SH3RF3: variants seen among roughly 807,000 people sequenced by gnomAD.
SH3RF3 encodes SH3 domain containing ring finger 3.
Under a neutral mutation model 66.3 loss-of-function variants are expected in SH3RF3, and 29 were observed. The ratio of observed to expected loss-of-function variants is 0.44; its 90% CI spans 0.33 to 0.60. The LOEUF is 0.60. Among genes scored for constraint, SH3RF3 ranks in the 20% least tolerant of loss-of-function variants. The pLI is 0.04. For synonymous variants in SH3RF3, 583 were observed against 532.0 expected, an observed-to-expected ratio of 1.10 and a Z score of -1.32; for missense variants, 1,194 against 1,190.9, an observed-to-expected ratio of 1.00 and a Z score of -0.04.
chr2:109,443,798 G>A (rs978106066), intron 7 of SH3RF3, among the ~76,000 whole-genome samples: 2 of 152,172 alleles, frequency 1.3e-5, no homozygotes, highest in African/African-American at 4.8e-5. Flanking sequence ...TACAATTATG[G>A]TCAGAGACTT....
At chr2:109,459,528 G>A (rs576217425) in intron 8 of SH3RF3, among the ~76,000 whole-genome samples, 2 of 152,140 alleles carry the variant, frequency 1.3e-5, no homozygotes, top group African/African-American at 4.8e-5. Flanking sequence ...GATTGAGAGC[G>A]TGCTAGGAGA....
In SH3RF3 at chr2:109,259,221, G is replaced by A. The variant is rs560514152; in HGVS notation, c.574-88453G>A. The stretch of plus-strand genomic sequence containing the variant: ...TAGGCTTCTCTGGCCTTCATGGGTC[G>A]GATTAAAGGGTGTCCTGGCCCTGAG... On this transcript the variant is annotated intron_variant, in intron 1 of 9. Coordinates refer to ENST00000309415, the MANE Select transcript of SH3RF3 (RefSeq NM_001099289.3). Among the ~76,000 whole-genome samples the A allele has an allele frequency of 1.1e-4, 16 of 152,314 alleles. No individual in the cohort carries two copies. In the East Asian group the frequency reaches 2.5e-3, roughly 24 times the overall value.
intron 2 of SH3RF3, among the ~76,000 whole-genome samples, chr2:109,355,976 G>C (rs1027793438): frequency 6.6e-6 from 1 of 152,096 alleles, no homozygotes; most frequent in Admixed American, 6.6e-5. Flanking sequence ...TCCTGCATTG[G>C]GGGTGGAGAA....
Position 109,171,506 on chromosome 2 carries a change from C to T in SH3RF3, c.573+41393C>T, listed in dbSNP as rs530197415. ...CCCGACCCCTCACTGCTGCTGGGCT[C>T]GCGGGTATGGTCAGCGCTGTGGCTT... On this transcript the variant is annotated intron_variant, in intron 1 of 9. Transcript: ENST00000309415. Among the ~76,000 whole-genome samples, 26 of 152,360 alleles carry T rather than the reference C, an allele frequency of 1.7e-4. No homozygotes were observed. In the East Asian group the frequency reaches 4.8e-3, roughly 28 times the overall value.
chr2:109,407,840 C>CT (rs1676487297), intron 4 of SH3RF3, among the ~76,000 whole-genome samples: 1 of 152,202 alleles, frequency 6.6e-6, no homozygotes, highest in Non-Finnish European at 1.5e-5. Flanking sequence ...CAATCCTGGC[C>CT]TTTAAGTGGG....
intron 8 of SH3RF3, among the ~76,000 whole-genome samples, chr2:109,454,842 T>C (rs781539192): frequency 1.2e-4 from 19 of 152,028 alleles, no homozygotes; most frequent in East Asian, 3.8e-4. Context: ...CTGGTGATGA[T>C]TGTAGACTAA....
rs1179579246 is a variant in SH3RF3, at chr2:109,384,321, G to GT, written c.945+12641dup. ...GGGGATTCTACTCTCCGTGGAGAAA[G>GT]TAACACCAGGAGAGGAGGAAGGACC... On this transcript the variant is annotated intron_variant, in intron 3 of 9. Transcript: ENST00000309415. Among the ~76,000 whole-genome samples the GT allele has an allele frequency of 5.3e-5, 8 of 152,330 alleles. No individual in the cohort carries two copies. The East Asian group carries it at 1.5e-3, about 29-fold the overall frequency.
chr2:109,456,804 C>T (rs1678071056), intron 8 of SH3RF3, among the ~76,000 whole-genome samples: 1 of 152,208 alleles, frequency 6.6e-6, no homozygotes, highest in South Asian at 2.1e-4. Flanking sequence ...TGAAACCAGG[C>T]TCCATGGTAC....
intron 8 of SH3RF3, among the ~76,000 whole-genome samples, chr2:109,454,735 G>C (rs1677989552): frequency 6.6e-6 from 1 of 152,130 alleles, no homozygotes; most frequent in Non-Finnish European, 1.5e-5. Context: ...CGGTACACTG[G>C]GGAGCTTCTG....
chr2:109,147,309 C>T (rs1677122344), intron 1 of SH3RF3, among the ~76,000 whole-genome samples: 1 of 152,186 alleles, frequency 6.6e-6, no homozygotes, highest in Admixed American at 6.5e-5. Flanking sequence ...CTATCAGAGG[C>T]ACATCAGGGA....
intron 8 of SH3RF3, among the ~76,000 whole-genome samples, chr2:109,451,203 A>G (rs987605685): frequency 6.6e-6 from 1 of 152,242 alleles, no homozygotes; most frequent in Non-Finnish European, 1.5e-5. Flanking sequence ...GGCGCCTGGC[A>G]TGAAGGGCAA....
chr2:109,252,044 A>G (rs570005951), intron 1 of SH3RF3, among the ~76,000 whole-genome samples: 4 of 152,164 alleles, frequency 2.6e-5, no homozygotes, highest in African/African-American at 7.2e-5. Context: ...CTAAGGAGTT[A>G]GAGATCAGCC....
rs1331783101 is a variant in SH3RF3, at chr2:109,449,367, A to G, written c.2026A>G (p.Thr676Ala). The G allele has an allele frequency of 1.2e-6, 2 of 1,609,536 alleles. No individual in the cohort carries two copies. Among genetic ancestry groups the G allele is most frequent in the African/African-American group, 1.3e-5 (1 of 74,906 alleles). The part of the protein sequence containing the change: ...IPLTSAASAI[T>A]PPNVSAANLN... ...CCTCACATCAGCAGCATCAGCCATC[A>G]CACCTCCCAACGTCAGTGCCGCAAA... Residue 676 changes from threonine to alanine, a missense_variant, in exon 8 of 10, where the codon ACA becomes GCA. Thr to Ala is a moderately conservative substitution (Grantham distance 58). Coordinates refer to ENST00000309415, the MANE Select transcript of SH3RF3 (RefSeq NM_001099289.3).
intron 8 of SH3RF3, among the ~76,000 whole-genome samples, chr2:109,480,208 C>T (rs1286833400): frequency 2.0e-5 from 3 of 152,226 alleles, no homozygotes; most frequent in Non-Finnish European, 4.4e-5. Context: ...TGCATGGCAC[C>T]AAACATCTGT....
At chr2:109,458,541 G>T (rs1332120383) in intron 8 of SH3RF3, among the ~76,000 whole-genome samples, 1 of 119,984 alleles carries the variant, frequency 8.3e-6, no homozygotes, top group Non-Finnish European at 1.8e-5. Flanking sequence ...TATCAGTCAG[G>T]GATCTCCAGA....
intron 1 of SH3RF3, among the ~76,000 whole-genome samples, chr2:109,346,462 G>A (rs953161186): frequency 2.0e-5 from 3 of 152,102 alleles, no homozygotes; most frequent in Non-Finnish European, 4.4e-5. Context: ...GAGAAAATGC[G>A]GCTTCTGGTA....
chr2:109,406,922 C>T (rs1321418495), intron 4 of SH3RF3, among the ~76,000 whole-genome samples: 4 of 152,198 alleles, frequency 2.6e-5, no homozygotes, highest in Non-Finnish European at 4.4e-5. Context: ...GGAGAACCGT[C>T]CCCAGGTGCC....
intron 1 of SH3RF3, among the ~76,000 whole-genome samples, chr2:109,292,694 C>T (rs768749325): frequency 1.3e-5 from 2 of 152,148 alleles, no homozygotes; most frequent in Non-Finnish European, 1.5e-5. Flanking sequence ...GAGCACAAAC[C>T]GGCCTGGTCC....
intron 1 of SH3RF3, among the ~76,000 whole-genome samples, chr2:109,327,393 T>A (rs1429957182): frequency 6.6e-6 from 1 of 152,232 alleles, no homozygotes; most frequent in Admixed American, 6.5e-5. Context: ...TATTGTTGAT[T>A]AAACTATTCT....
Sources: allele counts gnomAD v4.1 joint callset (sites outside exome capture counted in the v4.1 genomes callset), GRCh38; gene constraint gnomAD v4.1.1; transcripts MANE v1.5; gene names NCBI Gene and HGNC (gene_info 2026-07-23, HGNC 2026-07-21).